Variants in HAPSTR1 observed in about 807,000 individuals in gnomAD.
HAPSTR1 encodes the protein HUWE1-associated protein modifying stress responses 1.
chr16:9,106,909 C>G, the HAPSTR1 span: 2 of 152,136 alleles, frequency 1.3e-5, no homozygotes, highest in Non-Finnish European at 2.9e-5. Flanking sequence ...TTCTGGATCA[C>G]TTTGTGGATC....
the HAPSTR1 span, among the ~76,000 whole-genome samples, chr16:9,099,159 G>A: frequency 4.6e-5 from 7 of 151,762 alleles, no homozygotes; most frequent in South Asian, 1.5e-3. Context: ...GGGAAATATG[G>A]GATACCTGCT....
chr16:9,112,954 A>G, the HAPSTR1 span: 1 of 151,520 alleles, frequency 6.6e-6, no homozygotes, highest in Non-Finnish European at 1.5e-5. Flanking sequence ...CCTTTTGAAA[A>G]AGTATGTTTT....
chr16:9,105,265 A>G, the HAPSTR1 span: 1 of 152,244 alleles, frequency 6.6e-6, no homozygotes, highest in Non-Finnish European at 1.5e-5. Context: ...GTCTAGGAAG[A>G]AAATGATCTT....
At chr16:9,094,860 G>T in the HAPSTR1 span, among the ~76,000 whole-genome samples, 1 of 152,192 alleles carries the variant, frequency 6.6e-6, no homozygotes, top group Non-Finnish European at 1.5e-5. Context: ...TCTGGCTTTG[G>T]TCCTGTTGGG....
chr16:9,119,708 T>G, the HAPSTR1 span: 1 of 152,240 alleles, frequency 6.6e-6, no homozygotes, highest in South Asian at 2.1e-4. Flanking sequence ...ATGGGGCTTG[T>G]CTGCAGTTTT....
the HAPSTR1 span, chr16:9,107,795 G>C: frequency 6.6e-6 from 1 of 152,112 alleles, no homozygotes; most frequent in Non-Finnish European, 1.5e-5. Flanking sequence ...CTGTGCATTT[G>C]CTCTGCTGCT....
the HAPSTR1 span, chr16:9,103,239 G>A: frequency 1.2e-6 from 2 of 1,613,934 alleles, no homozygotes; most frequent in Non-Finnish European, 8.5e-7. Context: ...CAACCCTTCC[G>A]GGAAGCCATA....
the HAPSTR1 span, among the ~76,000 whole-genome samples, chr16:9,096,307 TGAAGG>T: frequency 1.3e-5 from 2 of 152,246 alleles, no homozygotes; most frequent in African/African-American, 2.4e-5. Context: ...GTGCTTAAAA[TGAAGG>T]GAAGTAATAA....
At chr16:9,092,655 G>C in the HAPSTR1 span, among the ~76,000 whole-genome samples, 2 of 127,048 alleles carry the variant, frequency 1.6e-5, no homozygotes, top group Non-Finnish European at 3.6e-5. Context: ...GGGACTGCCA[G>C]GGGGGGCGCT....
At chr16:9,119,626 C>T in the HAPSTR1 span, 1 of 152,328 alleles carries the variant, frequency 6.6e-6, no homozygotes. Context: ...CAGTCAGATT[C>T]TTCAATGTGG....
At chr16:9,093,373 T>G in the HAPSTR1 span, among the ~76,000 whole-genome samples, 2 of 152,190 alleles carry the variant, frequency 1.3e-5, no homozygotes, top group Non-Finnish European at 2.9e-5. Context: ...TGAGAAGCGT[T>G]GAGCTGGAAG....
chr16:9,109,005 C>T, the HAPSTR1 span: 2 of 152,146 alleles, frequency 1.3e-5, no homozygotes, highest in Admixed American at 6.5e-5. Context: ...ATCTCAAGGC[C>T]CAGTGGCTTT....
the HAPSTR1 span, chr16:9,117,115 C>T: frequency 1.4e-6 from 1 of 690,092 alleles, no homozygotes; most frequent in East Asian, 2.8e-5. Flanking sequence ...AAACTATAAT[C>T]CTAGCAGAGG....
chr16:9,096,907 T>A, the HAPSTR1 span, among the ~76,000 whole-genome samples: 1 of 152,198 alleles, frequency 6.6e-6, no homozygotes, highest in Non-Finnish European at 1.5e-5. Flanking sequence ...ATACTTATTT[T>A]TTATAATAGA....
the HAPSTR1 span, among the ~76,000 whole-genome samples, chr16:9,096,285 T>G: frequency 6.6e-6 from 1 of 152,362 alleles, no homozygotes; most frequent in East Asian, 1.9e-4. Flanking sequence ...TGGATTTTTC[T>G]CAATGTGGGC....
chr16:9,111,421 T>A, the HAPSTR1 span: 3 of 152,272 alleles, frequency 2.0e-5, no homozygotes, highest in Non-Finnish European at 4.4e-5. Flanking sequence ...TTGTAAATTA[T>A]GTCCCTTTGT....
At chr16:9,091,861 C>T in the HAPSTR1 span, 1 of 433,048 alleles carries the variant, frequency 2.3e-6, no homozygotes, top group Non-Finnish European at 3.8e-6. Context: ...TCCCTGGTTG[C>T]ACGGGGCCGC....
chr16:9,092,858 T>C, the HAPSTR1 span: 1 of 1,428,406 alleles, frequency 7.0e-7, no homozygotes, highest in East Asian at 2.4e-5. Context: ...TTCTCTTTCT[T>C]TCTCTTTCTA....
chr16:9,094,683 A>C, the HAPSTR1 span, among the ~76,000 whole-genome samples: 3 of 152,164 alleles, frequency 2.0e-5, no homozygotes, highest in African/African-American at 7.2e-5. Context: ...AGGTGTGCAT[A>C]GTTCAGTGCC....
Sources: gnomAD v4.1 joint callset for allele counts (sites outside exome capture counted in the v4.1 genomes callset) on GRCh38, gnomAD v4.1.1 for gene constraint, MANE v1.5 for transcripts, NCBI Gene and HGNC (gene_info 2026-07-23, HGNC 2026-07-21) for gene names.